Variants in CCSER1 observed in about 807,000 individuals in gnomAD.
CCSER1 encodes the protein coiled-coil serine rich protein 1, also known as serine-rich coiled-coil domain-containing protein 1.
Under a neutral mutation model 82.0 loss-of-function variants are expected in CCSER1, and 41 were observed. The observed-to-expected ratio is 0.50, with a 90% confidence interval of 0.39 to 0.65. The LOEUF (loss-of-function observed/expected upper bound fraction) is 0.65. Among genes scored for constraint, CCSER1 ranks in the 30% least tolerant of loss-of-function variants. CCSER1 has a pLI of 0.00. For synonymous variants in CCSER1, 414 were observed against 383.9 expected (o/e 1.08, Z -0.92); for missense variants, 1,119 against 1,064.2 (o/e 1.05, Z -0.72).
intron 6 of CCSER1, among the ~76,000 whole-genome samples, chr4:90,705,390 G>C (rs1739129209): frequency 1.3e-5 from 2 of 152,220 alleles, no homozygotes; most frequent in South Asian, 4.1e-4. Flanking sequence ...CCTACTGGGG[G>C]TTGCCTCCCA....
intron 3 of CCSER1, among the ~76,000 whole-genome samples, chr4:90,337,380 T>A (rs1256130748): frequency 2.0e-5 from 3 of 152,100 alleles, no homozygotes; most frequent in African/African-American, 7.2e-5. Context: ...TGAGGCCAAG[T>A]CGTGAAGAGG....
rs143315132 is a variant in CCSER1 at position 91,317,987 on chromosome 4, A to G, written c.2217+231993A>G. On this transcript the variant is annotated intron_variant, in intron 10 of 10. Coordinates refer to ENST00000509176, the MANE Select transcript of CCSER1 (RefSeq NM_001145065.2). ...AACTTAATGAGATGGTCCTCATTTCATAGGAGAAGGGTTGTAGTGGTTTTG... is the reference window on the plus strand; with the variant it reads ...AACTTAATGAGATGGTCCTCATTTCGTAGGAGAAGGGTTGTAGTGGTTTTG... 8.7e-4 allele frequency among the ~76,000 whole-genome samples: 133 copies of G among 152,058 alleles called. 1 individual carries two copies. In the South Asian group the frequency reaches 0.011, roughly 13 times the overall value.
At chr4:91,154,653 C>T (rs1195251657) in intron 10 of CCSER1, among the ~76,000 whole-genome samples, 1 of 151,978 alleles carries the variant, frequency 6.6e-6, no homozygotes, top group Non-Finnish European at 1.5e-5. Flanking sequence ...TCCTATTTGG[C>T]CATCTTGGAA....
rs898472230 is a variant in CCSER1, at chr4:90,127,594, T to A, written c.-279T>A. The A allele has an allele frequency of 6.5e-6, 1 of 152,868 alleles. No individual in the cohort carries two copies. Among genetic ancestry groups the A allele is most frequent in the African/African-American group, 2.4e-5 (1 of 41,442 alleles). 9.5% of individuals were successfully genotyped at this position (152,868 alleles called of 1,614,324 possible). ...CTCTCTCTCTCTCTCTGTCTCAACATGACTGACTGGGAAGCGGTGGCTCGG... is the reference window on the plus strand; with the variant it reads ...CTCTCTCTCTCTCTCTGTCTCAACAAGACTGACTGGGAAGCGGTGGCTCGG... On this transcript the variant is annotated 5_prime_UTR_variant, in exon 1 of 11. It removes an upstream start codon present in the reference 5' UTR. Transcript: ENST00000509176.
chr4:91,258,789 A>C (rs1044340021), intron 10 of CCSER1, among the ~76,000 whole-genome samples: 2 of 152,170 alleles, frequency 1.3e-5, no homozygotes, highest in African/African-American at 2.4e-5. Flanking sequence ...AATAATCTAA[A>C]TGCTTTATAA....
chr4:90,264,686 C>T (rs1347518137), intron 1 of CCSER1, among the ~76,000 whole-genome samples: 1 of 77,206 alleles, frequency 1.3e-5, no homozygotes, highest in African/African-American at 6.5e-5. Context: ...CTGTCTAATA[C>T]ACTTTTTTTT....
intron 9 of CCSER1, among the ~76,000 whole-genome samples, chr4:91,033,404 CT>C (rs57849547): frequency 0.012 from 1,766 of 152,212 alleles, 47 homozygotes; most frequent in African/African-American, 0.04. Context: ...AAATATCCCA[CT>C]TCTCTCTTCC....
At chr4:91,101,186 T>C (rs1386664477) in intron 10 of CCSER1, among the ~76,000 whole-genome samples, 1 of 149,710 alleles carries the variant, frequency 6.7e-6, no homozygotes, top group African/African-American at 2.5e-5. Flanking sequence ...AAAATAATAC[T>C]TACAACAAGA....
At chr4:90,180,327 G>A (rs532226547) in intron 1 of CCSER1, among the ~76,000 whole-genome samples, 4 of 152,032 alleles carry the variant, frequency 2.6e-5, no homozygotes, top group East Asian at 1.9e-4. Flanking sequence ...GGTGCCTCAC[G>A]CCCATAATCC....
intron 5 of CCSER1, among the ~76,000 whole-genome samples, chr4:90,571,753 T>TAAAACACAA (rs2153654361): frequency 6.6e-6 from 1 of 152,234 alleles, no homozygotes; most frequent in East Asian, 1.9e-4. Flanking sequence ...AAAATTAAAA[T>TAAAACACAA]AAATAACACA....
chr4:90,950,385 C>G (rs11728310), intron 9 of CCSER1, among the ~76,000 whole-genome samples: 1 of 152,010 alleles, frequency 6.6e-6, no homozygotes, highest in Non-Finnish European at 1.5e-5. Context: ...ATTTTTATTA[C>G]TGAGTACGTC....
intron 9 of CCSER1, among the ~76,000 whole-genome samples, chr4:91,055,756 C>T (rs1236585877): frequency 3.4e-5 from 5 of 145,162 alleles, no homozygotes; most frequent in Non-Finnish European, 7.5e-5. Flanking sequence ...CTCTCCCCCT[C>T]TCCCCTTCTC....
rs758876018 is a variant in CCSER1, at chr4:90,309,509, G to A, written c.1225G>A (p.Gly409Arg). The change falls in exon 2 of 11, where the codon GGG becomes AGG. Residue 409 changes from glycine to arginine, a missense_variant. Transcript: ENST00000509176. ...QHKAIAEHVK[G>R]IHPISDSKII... ...TAAAGCAATAGCGGAACATGTAAAA[G>A]GGATCCATCCTATTTCAGATTCAAA... 3.0e-5 allele frequency: 48 copies of A among 1,613,584 alleles called. No homozygotes were observed. The Admixed American group carries it at 3.8e-4, about 13-fold the overall frequency.
At chr4:90,669,701 CATTT>C (rs1199966727) in intron 6 of CCSER1, among the ~76,000 whole-genome samples, 4 of 151,998 alleles carry the variant, frequency 2.6e-5, no homozygotes, top group Non-Finnish European at 5.9e-5. Flanking sequence ...ATGTCACCTT[CATTT>C]GAGTTCTCTC....
At chr4:91,177,817 C>T (rs1327390395) in intron 10 of CCSER1, among the ~76,000 whole-genome samples, 2 of 152,152 alleles carry the variant, frequency 1.3e-5, no homozygotes, top group Non-Finnish European at 2.9e-5. Flanking sequence ...CTATCTCCTT[C>T]AGTTCTGCTC....
intron 1 of CCSER1, among the ~76,000 whole-genome samples, chr4:90,248,273 A>G (rs538166174): frequency 6.6e-6 from 1 of 152,288 alleles, no homozygotes; most frequent in South Asian, 2.1e-4. Flanking sequence ...GTCCTTAATA[A>G]ATATGTATTG....
At chr4:91,207,760 TG>T (rs1736464042) in intron 10 of CCSER1, among the ~76,000 whole-genome samples, 1 of 151,980 alleles carries the variant, frequency 6.6e-6, no homozygotes, top group Non-Finnish European at 1.5e-5. Flanking sequence ...GTGGTATTGC[TG>T]GGTCAAATGG....
intron 6 of CCSER1, among the ~76,000 whole-genome samples, chr4:90,720,234 C>T (rs571985141): frequency 5.3e-4 from 81 of 151,640 alleles, no homozygotes; most frequent in African/African-American, 1.9e-3. Flanking sequence ...AATTTCTTGT[C>T]CCATTCTGGA....
chr4:90,950,836 C>T (rs1378370921), intron 9 of CCSER1, among the ~76,000 whole-genome samples: 1 of 152,026 alleles, frequency 6.6e-6, no homozygotes, highest in Non-Finnish European at 1.5e-5. Flanking sequence ...ACATGCTATT[C>T]CCGTGCTCTC....
Sources: gnomAD v4.1 joint callset for allele counts (sites outside exome capture counted in the v4.1 genomes callset) on GRCh38, gnomAD v4.1.1 for gene constraint, MANE v1.5 for transcripts, NCBI Gene and HGNC (gene_info 2026-07-23, HGNC 2026-07-21) for gene names.